Variants in NEK7 observed in about 807,000 individuals in gnomAD.
NEK7 encodes NIMA related kinase 7.
In NEK7, 18 loss-of-function variants were observed where a neutral mutation model predicts 44.6. That is an observed-to-expected ratio of 0.40 (90% CI 0.28 to 0.60). NEK7 has a LOEUF of 0.60. NEK7 is among the 20% of genes least tolerant of loss of function. NEK7 has a pLI of 0.38. For missense variants in NEK7, 256 were observed against 366.5 expected (o/e 0.70, Z 2.46); for synonymous variants, 130 against 121.1 (o/e 1.07, Z -0.48).
chr1:198,289,343 A>G (rs979827236), intron 7 of NEK7, among the ~76,000 whole-genome samples: 3 of 145,880 alleles, frequency 2.1e-5, no homozygotes, highest in Non-Finnish European at 4.4e-5. Context: ...CAGCTGTCCT[A>G]AGTAATAGTT....
intron 3 of NEK7, among the ~76,000 whole-genome samples, chr1:198,259,117 T>C (rs1471238551): frequency 6.6e-6 from 1 of 152,166 alleles, no homozygotes; most frequent in East Asian, 1.9e-4. Context: ...GGAGTGACTT[T>C]TGATATTATT....
intron 5 of NEK7, among the ~76,000 whole-genome samples, chr1:198,267,261 C>T (rs138887844): frequency 6.6e-6 from 1 of 151,196 alleles, no homozygotes; most frequent in Non-Finnish European, 1.5e-5. Flanking sequence ...TATACATGCA[C>T]ACACACCTGT....
At chr1:198,306,851 A>G (rs902058018) in intron 9 of NEK7, among the ~76,000 whole-genome samples, 1 of 152,176 alleles carries the variant, frequency 6.6e-6, no homozygotes, top group Non-Finnish European at 1.5e-5. Context: ...TAACAGGTCT[A>G]TTTAAGTATA....
At chr1:198,250,323 A>G (rs1485266675) in intron 2 of NEK7, among the ~76,000 whole-genome samples, 7 of 151,658 alleles carry the variant, frequency 4.6e-5, no homozygotes, top group African/African-American at 1.7e-4. Flanking sequence ...TGATGCCTCC[A>G]GCTTTGTTCT....
At chr1:198,219,009 A>G (rs1245154981) in intron 1 of NEK7, among the ~76,000 whole-genome samples, 1 of 151,962 alleles carries the variant, frequency 6.6e-6, no homozygotes, top group Non-Finnish European at 1.5e-5. Context: ...GAAATATTTC[A>G]AAGAACTCAA....
At chr1:198,300,659 G>A (rs1654856174) in intron 9 of NEK7, among the ~76,000 whole-genome samples, 1 of 152,190 alleles carries the variant, frequency 6.6e-6, no homozygotes, top group African/African-American at 2.4e-5. Context: ...TAACTCTGCT[G>A]CTTATCTGTA....
At chr1:198,182,325 C>A (rs1343576567) in intron 1 of NEK7, among the ~76,000 whole-genome samples, 1 of 151,974 alleles carries the variant, frequency 6.6e-6, no homozygotes, top group African/African-American at 2.4e-5. Flanking sequence ...TTAAGTAGGT[C>A]GACCTATTTT....
intron 1 of NEK7, among the ~76,000 whole-genome samples, chr1:198,178,272 A>G (rs557501896): frequency 2.0e-5 from 3 of 152,224 alleles, no homozygotes; most frequent in South Asian, 4.1e-4. Flanking sequence ...ACTAATGACT[A>G]TGGAAGAATT....
At chr1:198,266,875 C>T (rs1170756061) in intron 5 of NEK7, among the ~76,000 whole-genome samples, 1 of 151,988 alleles carries the variant, frequency 6.6e-6, no homozygotes, top group Non-Finnish European at 1.5e-5. Context: ...TTCTTCTAGC[C>T]CCCTTGCATC....
At chr1:198,261,792 A>T (rs1238307534) in intron 3 of NEK7, among the ~76,000 whole-genome samples, 1 of 151,796 alleles carries the variant, frequency 6.6e-6, no homozygotes. Flanking sequence ...TATGTTTTTA[A>T]CAGTAGGTTA....
intron 2 of NEK7, among the ~76,000 whole-genome samples, chr1:198,242,741 C>T (rs1410773551): frequency 5.9e-5 from 9 of 151,632 alleles, no homozygotes; most frequent in South Asian, 2.1e-4. Flanking sequence ...GGATTACAGG[C>T]GTGAGCCACC....
At chr1:198,157,309 C>T (rs1157900707) in intron 1 of NEK7, 33 bp downstream of exon 1, 2 of 152,168 alleles carry the variant, frequency 1.3e-5, no homozygotes, top group Non-Finnish European at 2.9e-5. Context: ...GGCGCCCGGA[C>T]CGGGCAGCTC....
At chr1:198,193,782 T>C (rs1242097186) in intron 1 of NEK7, among the ~76,000 whole-genome samples, 3 of 152,100 alleles carry the variant, frequency 2.0e-5, no homozygotes. Flanking sequence ...AACTAGGTAT[T>C]GAAGGAACAT....
chr1:198,194,591 G>T (rs1571519426), intron 1 of NEK7, among the ~76,000 whole-genome samples: 1 of 152,128 alleles, frequency 6.6e-6, no homozygotes, highest in East Asian at 1.9e-4. Flanking sequence ...TCCTGAATCA[G>T]TTTTCTAAGG....
chr1:198,280,420 C>A (rs951421892), intron 7 of NEK7, among the ~76,000 whole-genome samples: 1 of 152,052 alleles, frequency 6.6e-6, no homozygotes, highest in Non-Finnish European at 1.5e-5. Flanking sequence ...CATGCACACA[C>A]GTGTGTTGTT....
At chr1:198,225,840 T>A (rs1024636969) in intron 1 of NEK7, among the ~76,000 whole-genome samples, 2 of 151,888 alleles carry the variant, frequency 1.3e-5, no homozygotes, top group South Asian at 2.1e-4. Flanking sequence ...CTTTGGGGAG[T>A]TTTTTTTGTT....
chr1:198,264,090 AAG>A, intron 4 of NEK7, 33 bp from the exon 5 acceptor site: 1 of 1,564,020 alleles, frequency 6.4e-7, no homozygotes, highest in South Asian at 1.2e-5. Flanking sequence ...TATTTACAGT[AAG>A]AAAACTTTCT....
At chr1:198,251,716 G>C (rs1653002474) in intron 2 of NEK7, among the ~76,000 whole-genome samples, 1 of 151,752 alleles carries the variant, frequency 6.6e-6, no homozygotes, top group Non-Finnish European at 1.5e-5. Flanking sequence ...GGGATCGGTG[G>C]TGATATCCCC....
rs538009993 is a variant in NEK7 at position 198,322,202 on chromosome 1, A to C, written c.*2680A>C. 3.3e-5 allele frequency: 5 copies of C among 152,246 alleles called. No homozygotes were observed. The highest frequency in any genetic ancestry group is 1.3e-4 in the Admixed American group (2 of 15,298). 9.4% of individuals were successfully genotyped at this position (152,246 alleles called of 1,614,324 possible). A position where few individuals can be genotyped will look rare whatever the true frequency, so the allele number is the denominator to read the frequency against. Reference sequence around the variant, plus strand: ...AAAATGTTACTCACATTAAATGTTTATTCTTTAAAATGAATGTATTATGTT... The same window carrying C: ...AAAATGTTACTCACATTAAATGTTTCTTCTTTAAAATGAATGTATTATGTT... On this transcript the variant is annotated 3_prime_UTR_variant, in exon 10 of 10. Coordinates refer to ENST00000367385, the MANE Select transcript of NEK7 (RefSeq NM_133494.3).
Sources: allele counts gnomAD v4.1 joint callset (sites outside exome capture counted in the v4.1 genomes callset), GRCh38; gene constraint gnomAD v4.1.1; transcripts MANE v1.5; gene names NCBI Gene and HGNC (gene_info 2026-07-23, HGNC 2026-07-21).